CNOT9: variants seen among roughly 807,000 people sequenced by gnomAD.
CNOT9 encodes CCR4-NOT transcription complex subunit 9.
Under a neutral mutation model 37.4 loss-of-function variants are expected in CNOT9, and 8 were observed. The ratio of observed to expected loss-of-function variants is 0.21; its 90% CI spans 0.13 to 0.39. The LOEUF is 0.39. Among genes scored for constraint, CNOT9 ranks in the 10% least tolerant of loss-of-function variants. The pLI is 1.00. For synonymous variants in CNOT9, 120 were observed against 137.6 expected (o/e 0.87, Z 0.90); for missense variants, 154 against 365.3 (o/e 0.42, Z 4.71).
At position 218,578,299 on chromosome 2, in the gene CNOT9, G is replaced by A. The variant is rs186456169; in HGVS notation, c.25-2262G>A. Among the ~76,000 whole-genome samples the A allele has an allele frequency of 7.9e-5, 12 of 152,288 alleles. No individual in the cohort carries two copies. The East Asian group carries it at 2.3e-3, about 29-fold the overall frequency. On this transcript the variant is annotated intron_variant, in intron 1 of 7. Transcript: ENST00000273064. ...AACAACTTGTGGTTCTTTCTGTCAGGCTAGTGAAATAGTAAAAATAAAGCT... is the reference window on the plus strand; with the variant it reads ...AACAACTTGTGGTTCTTTCTGTCAGACTAGTGAAATAGTAAAAATAAAGCT...
intron 5 of CNOT9, 47 bp downstream of exon 5, chr2:218,587,742 G>C (rs1694639090): frequency 1.0e-6 from 1 of 957,756 alleles, no homozygotes; most frequent in African/African-American, 1.7e-5. Context: ...CTCTTAAGCT[G>C]CTTCCTTATG....
intron 5 of CNOT9, among the ~76,000 whole-genome samples, chr2:218,590,429 T>C (rs1463328119): frequency 6.6e-6 from 1 of 152,236 alleles, no homozygotes; most frequent in Non-Finnish European, 1.5e-5. Flanking sequence ...ATTAGTGCAC[T>C]TAACACACTT....
At chr2:218,589,017 C>A (rs1380920882) in intron 5 of CNOT9, among the ~76,000 whole-genome samples, 1 of 151,850 alleles carries the variant, frequency 6.6e-6, no homozygotes, top group African/African-American at 2.4e-5. Context: ...TAATCACTTT[C>A]AATTTTTAAA....
intron 4 of CNOT9, among the ~76,000 whole-genome samples, chr2:218,586,488 C>CTT (rs779670750): frequency 4.4e-4 from 61 of 137,718 alleles, no homozygotes; most frequent in African/African-American, 8.3e-4. Flanking sequence ...CTGATCTCAG[C>CTT]TTTTTTTTTT....
chr2:218,570,824 C>T (rs1693965268), intron 1 of CNOT9, among the ~76,000 whole-genome samples: 1 of 152,186 alleles, frequency 6.6e-6, no homozygotes, highest in Non-Finnish European at 1.5e-5. Flanking sequence ...GTACTCAATA[C>T]ATGTTTCTTC....
At chr2:218,591,703 A>G (rs1694781083) in intron 5 of CNOT9, among the ~76,000 whole-genome samples, 1 of 151,956 alleles carries the variant, frequency 6.6e-6, no homozygotes, top group Non-Finnish European at 1.5e-5. Flanking sequence ...AAATGGAGCC[A>G]CTGCACTCCA....
At chr2:218,583,674 T>G (rs934531544) in intron 3 of CNOT9, among the ~76,000 whole-genome samples, 1 of 152,214 alleles carries the variant, frequency 6.6e-6, no homozygotes, top group African/African-American at 2.4e-5. Flanking sequence ...AGTCATCTTA[T>G]TAAAGCCTTT....
chr2:218,594,502 A>G lies in CNOT9; in HGVS notation c.*226A>G. The G allele has an allele frequency of 9.1e-6, 5 of 548,168 alleles. 1 individual carries two copies. In the Middle Eastern group the frequency reaches 1.5e-3, roughly 161 times the overall value. The allele number at this position is 548,168 out of a possible 1,614,324, so 34.0% of individuals were successfully genotyped here. On this transcript the variant is annotated 3_prime_UTR_variant, in exon 8 of 8. Coordinates refer to ENST00000273064, the MANE Select transcript of CNOT9 (RefSeq NM_005444.3). Reference sequence around the variant, plus strand: ...TACTCCCAGGAAATGGGCTCCTGACACAGCAGTCTGCCACCACAGCCCCAG... The same window carrying G: ...TACTCCCAGGAAATGGGCTCCTGACGCAGCAGTCTGCCACCACAGCCCCAG...
chr2:218,574,300 G>T (rs184507224), intron 1 of CNOT9: 1 of 175,296 alleles, frequency 5.7e-6, no homozygotes, highest in African/African-American at 2.4e-5. Flanking sequence ...ATAATCTACG[G>T]TAATGTACTA....
In CNOT9 at chr2:218,580,485, T is replaced by C. The variant is rs1574989213; in HGVS notation, c.25-76T>C. On this transcript the variant is annotated intron_variant, in intron 1 of 7. Coordinates refer to ENST00000273064, the MANE Select transcript of CNOT9 (RefSeq NM_005444.3). ...TGGTATTCATGAAAAATATATTTCC[T>C]CTAAAACTCTGTTGCAGGGTAAGAC... 4 of 1,254,400 alleles carry C rather than the reference T, an allele frequency of 3.2e-6. No individual in the cohort carries two copies. In the East Asian group the frequency reaches 9.9e-5, roughly 31 times the overall value. 77.7% of individuals were successfully genotyped at this position (1,254,400 alleles called of 1,614,324 possible).
In CNOT9 at chr2:218,592,184, ATAC is replaced by A; in HGVS notation, c.541-119_541-117del. On this transcript the variant is annotated intron_variant, in intron 5 of 7. Transcript: ENST00000273064. The surrounding 1 kb of genome is among the most constrained non-coding windows in gnomAD (Gnocchi z 4.1). ...CATATATGATAAAGTTGTACATAAT[ATAC>A]AAGGATCCCTGCTTGCTCAATTTTC... The A allele has an allele frequency of 1.4e-6, 1 of 701,642 alleles. No homozygotes were observed. Among genetic ancestry groups the A allele is most frequent in the Non-Finnish European group, 2.5e-6 (1 of 393,796 alleles). The allele number at this position is 701,642 out of a possible 1,614,324, so 43.5% of individuals were successfully genotyped here. A position where few individuals can be genotyped will look rare whatever the true frequency, so the allele number is the denominator to read the frequency against.
chr2:218,584,485 G>GT (rs1364891413), intron 3 of CNOT9, 127 bp from the exon 4 acceptor site: 5 of 759,656 alleles, frequency 6.6e-6, no homozygotes, highest in Non-Finnish European at 1.2e-5. Context: ...CAGTAACATT[G>GT]TTTTCCTAAG....
At position 218,593,445 on chromosome 2, in the gene CNOT9, G is replaced by C. The variant is rs897160561; in HGVS notation, c.732-663G>C. 1.4e-5 allele frequency: 11 copies of C among 788,230 alleles called. No individual in the cohort carries two copies. In the African/African-American group the frequency reaches 1.7e-4, roughly 12 times the overall value. 48.8% of individuals were successfully genotyped at this position (788,230 alleles called of 1,614,324 possible). A position where few individuals can be genotyped will look rare whatever the true frequency, so the allele number is the denominator to read the frequency against. On this transcript the variant is annotated intron_variant, in intron 7 of 7. Coordinates refer to ENST00000273064, the MANE Select transcript of CNOT9 (RefSeq NM_005444.3). ...AATGTGTTTATTTAAAATTCTACTT[G>C]TACAAAGAAAACTAGTCTGAGTGCA...
intron 5 of CNOT9, among the ~76,000 whole-genome samples, chr2:218,590,542 T>C (rs1185924808): frequency 6.6e-6 from 1 of 152,154 alleles, no homozygotes; most frequent in African/African-American, 2.4e-5. Context: ...GTTTACTGTT[T>C]TATAGTTTTG....
At chr2:218,574,494 A>G (rs1304788582) in intron 1 of CNOT9, among the ~76,000 whole-genome samples, 20 of 152,086 alleles carry the variant, frequency 1.3e-4, no homozygotes, top group Admixed American at 1.3e-3. Context: ...CTTAAGAGTA[A>G]TTTCTTCAAC....
intron 4 of CNOT9, among the ~76,000 whole-genome samples, chr2:218,586,284 T>C (rs1262073183): frequency 6.6e-6 from 1 of 152,108 alleles, no homozygotes; most frequent in African/African-American, 2.4e-5. Flanking sequence ...TATTTGGAGA[T>C]GGGACCTTTG....
intron 5 of CNOT9, among the ~76,000 whole-genome samples, chr2:218,588,287 CT>C (rs539751873): frequency 0.012 from 1,673 of 141,458 alleles, 27 homozygotes; most frequent in Admixed American, 0.06. Flanking sequence ...AATCATATAT[CT>C]TTTTTTTTTT....
At chr2:218,588,116 G>T (rs146525172) in intron 5 of CNOT9, among the ~76,000 whole-genome samples, 1 of 152,138 alleles carries the variant, frequency 6.6e-6, no homozygotes, top group African/African-American at 2.4e-5. Flanking sequence ...TTACCTCATT[G>T]TTCTGTCTCA....
chr2:218,590,413 C>G (rs1158361573), intron 5 of CNOT9, among the ~76,000 whole-genome samples: 1 of 152,170 alleles, frequency 6.6e-6, no homozygotes, highest in Non-Finnish European at 1.5e-5. Context: ...TCAAGGTACA[C>G]TTAAGATTAG....
Sources: allele counts gnomAD v4.1 joint callset (sites outside exome capture counted in the v4.1 genomes callset), GRCh38; gene constraint gnomAD v4.1.1; non-coding constraint Gnocchi (gnomAD v3.1); transcripts MANE v1.5; gene names NCBI Gene and HGNC (gene_info 2026-07-23, HGNC 2026-07-21).